ZNF225: variants seen among roughly 807,000 people sequenced by gnomAD.
ZNF225 encodes the protein zinc finger protein 225.
ZNF225 carries 6 observed loss-of-function variants against 12.0 expected under a neutral mutation model. The observed-to-expected ratio is 0.50, with a 90% CI of 0.27 to 0.98. The LOEUF (loss-of-function observed/expected upper bound fraction) is 0.98. Among genes scored for constraint, ZNF225 ranks in the 50% least tolerant of loss-of-function variants. The probability of loss-of-function intolerance (pLI) is 0.11; values close to 1 mark genes in which losing one functional copy is unlikely to be tolerated. For synonymous variants in ZNF225, 271 were observed against 283.2 expected, an observed-to-expected ratio of 0.96 and a Z score of 0.43; for missense variants, 763 against 848.2, an observed-to-expected ratio of 0.90 and a Z score of 1.25.
At chr19:44,129,032 T>C in intron 4 of ZNF225, 2 of 1,230,936 alleles carry the variant, frequency 1.6e-6, no homozygotes, top group Non-Finnish European at 2.0e-6. Flanking sequence ...CCTTTGTGTA[T>C]TTCTGTCAGG....
At chr19:44,114,915 AT>A (rs1967909895) in intron 1 of ZNF225, among the ~76,000 whole-genome samples, 1 of 152,006 alleles carries the variant, frequency 6.6e-6, no homozygotes, top group African/African-American at 2.4e-5. Flanking sequence ...TGTTTGTCAG[AT>A]TTCCGCATTG....
chr19:44,118,205 GGAC>G lies in ZNF225; in HGVS notation c.35_37del (p.Asp12del), dbSNP rs1351132013. 4 of 1,612,536 alleles carry G rather than the reference GGAC, an allele frequency of 2.5e-6. No homozygotes were observed. In the Admixed American group the frequency reaches 6.7e-5, roughly 27 times the overall value. On this transcript the variant is annotated inframe_deletion, in exon 3 of 5. Coordinates refer to ENST00000262894, the MANE Select transcript of ZNF225 (RefSeq NM_013362.4). ...TGCTGTAGGAGGCAGTGACCTTCAAGGACGTGGCTGTGGTCTTCACTGAGGAAG... is the reference window on the plus strand; with the variant it reads ...TGCTGTAGGAGGCAGTGACCTTCAAGGTGGCTGTGGTCTTCACTGAGGAAG...
Position 44,132,539 on chromosome 19 carries a change from A to G in ZNF225, c.1925A>G (p.His642Arg), listed in dbSNP as rs1367501420. 1 of 1,614,166 alleles carries G rather than the reference A, an allele frequency of 6.2e-7. No individual in the cohort carries two copies. Reference sequence around the variant, plus strand: ...AGATGGGCCTCAACTCATCTAACCCATCAGAGACTCCACAGTAGAGAAAAA... The same window carrying G: ...AGATGGGCCTCAACTCATCTAACCCGTCAGAGACTCCACAGTAGAGAAAAA... ...SFRWASTHLT[H>R]QRLHSREKLL... The change falls in exon 5 of 5, where the codon CAT (histidine) becomes CGT (arginine). Residue 642 changes from histidine (H) to arginine (R), a missense_variant. By Grantham distance (29) the His-to-Arg change is conservative. Coordinates refer to ENST00000262894, the MANE Select transcript of ZNF225 (RefSeq NM_013362.4).
intron 2 of ZNF225, 65 bp downstream of exon 2, chr19:44,115,907 G>A: frequency 6.4e-7 from 1 of 1,564,368 alleles, no homozygotes; most frequent in East Asian, 2.3e-5. Flanking sequence ...TGTCGCCAAG[G>A]CTGGAGTGCA....
In ZNF225 at chr19:44,132,412, G is replaced by C; in HGVS notation, c.1798G>C (p.Glu600Gln). The change falls in exon 5 of 5, where the codon GAG (glutamate) becomes CAG (glutamine). Residue 600 changes from glutamate to glutamine, a missense_variant. By Grantham distance (29) the Glu-to-Gln change is conservative (BLOSUM62 2). Coordinates refer to ENST00000262894, the MANE Select transcript of ZNF225 (RefSeq NM_013362.4). ...TGATGAAAAGCCATTCAAATGTGAA[G>C]AGTGTGGGAAGAGATTTACTGAGAA... Reference protein sequence around the residue: ...HGDEKPFKCEECGKRFTENSQ... With the variant: ...HGDEKPFKCEQCGKRFTENSQ... The C allele has an allele frequency of 2.5e-6, 4 of 1,614,216 alleles. No individual in the cohort carries two copies. Among genetic ancestry groups the C allele is most frequent in the Middle Eastern group, 3.3e-4 (2 of 6,062 alleles).
At chr19:44,130,534 T>C (rs982455933) in intron 4 of ZNF225, 13 of 227,948 alleles carry the variant, frequency 5.7e-5, no homozygotes, top group East Asian at 1.1e-4. Context: ...CCATCTGTAC[T>C]AAGAATACAA....
chr19:44,122,611 G>T (rs2147561832), intron 4 of ZNF225, among the ~76,000 whole-genome samples: 1 of 152,258 alleles, frequency 6.6e-6, no homozygotes, highest in East Asian at 1.9e-4. Context: ...TCACAATATT[G>T]ATTGCACCCA....
intron 4 of ZNF225, among the ~76,000 whole-genome samples, chr19:44,126,848 C>T (rs1187016984): frequency 6.6e-6 from 1 of 152,202 alleles, no homozygotes. Context: ...AGGCCTCACC[C>T]AGCTCCCATG....
intron 4 of ZNF225, among the ~76,000 whole-genome samples, chr19:44,125,911 C>G (rs1968138219): frequency 6.6e-6 from 1 of 152,014 alleles, no homozygotes; most frequent in South Asian, 2.1e-4. Flanking sequence ...TTTAAGCTAT[C>G]TATTTCCTTG....
At position 44,131,933 on chromosome 19, in the gene ZNF225, G is replaced by T. The variant is rs1480992976; in HGVS notation, c.1319G>T (p.Arg440Met). Residue 440 changes from arginine to methionine, a missense_variant, in exon 5 of 5, where the codon AGG (arginine) becomes ATG (methionine). Physicochemically the swap from Arg to Met is moderately conservative, Grantham distance 91. Transcript: ENST00000262894. ...CEECGKGYKRRLDLDFHQRVH... is the reference protein window; with the variant it reads ...CEECGKGYKRMLDLDFHQRVH... ...GAGTGTGGGAAGGGCTACAAAAGGAGGTTGGATCTTGACTTTCATCAGAGG... is the reference window on the plus strand; with the variant it reads ...GAGTGTGGGAAGGGCTACAAAAGGATGTTGGATCTTGACTTTCATCAGAGG... The T allele has an allele frequency of 7.5e-6, 12 of 1,609,350 alleles. No homozygotes were observed. Among genetic ancestry groups the T allele is most frequent in the Non-Finnish European group, 8.5e-6 (10 of 1,178,386 alleles).
At chr19:44,123,235 A>G (rs1968086849) in intron 4 of ZNF225, among the ~76,000 whole-genome samples, 1 of 152,110 alleles carries the variant, frequency 6.6e-6, no homozygotes, top group Non-Finnish European at 1.5e-5. Flanking sequence ...CTTTTTCTAC[A>G]TCTATTGAGA....
rs577726060 is a variant in ZNF225, at chr19:44,121,277, A to T, written c.235+2703A>T. Among the ~76,000 whole-genome samples, 12 of 152,330 alleles carry T rather than the reference A, an allele frequency of 7.9e-5. No individual in the cohort carries two copies. The East Asian group carries it at 2.3e-3, about 29-fold the overall frequency. On this transcript the variant is annotated intron_variant, in intron 4 of 4. Coordinates refer to ENST00000262894, the MANE Select transcript of ZNF225 (RefSeq NM_013362.4). Reference sequence around the variant, plus strand: ...TTTCCATTCCTGAGTTACTTCACTTAGAATAATAGTCTCCAGTCTCATCCA... The same window carrying T: ...TTTCCATTCCTGAGTTACTTCACTTTGAATAATAGTCTCCAGTCTCATCCA...
chr19:44,119,051 C>A (rs552745563), intron 4 of ZNF225, among the ~76,000 whole-genome samples: 1 of 152,140 alleles, frequency 6.6e-6, no homozygotes, highest in South Asian at 2.1e-4. Flanking sequence ...CTCCTGACCT[C>A]GTGATCCGCC....
intron 4 of ZNF225, among the ~76,000 whole-genome samples, chr19:44,124,757 A>G (rs1297244469): frequency 1.3e-5 from 2 of 152,246 alleles, no homozygotes; most frequent in East Asian, 1.9e-4. Context: ...GGCCTTTTAC[A>G]TTATATAATG....
chr19:44,118,627 C>T (rs1599673957), intron 4 of ZNF225, 53 bp downstream of exon 4: 2 of 1,546,558 alleles, frequency 1.3e-6, no homozygotes, highest in East Asian at 4.6e-5. Flanking sequence ...ATCGGTTTCA[C>T]TTCTGTCCAT....
intron 4 of ZNF225, chr19:44,128,825 GCTCA>G: frequency 2.6e-6 from 1 of 387,652 alleles, no homozygotes; most frequent in Non-Finnish European, 4.6e-6. Context: ...TTATTTTACA[GCTCA>G]CTAAGAGTCT....
In ZNF225 at chr19:44,115,835, C is replaced by T. The variant is rs147567923; in HGVS notation, c.8C>T (p.Thr3Met). Residue 3 changes from threonine to methionine, a missense_variant, in exon 2 of 5, where the codon ACG (threonine) becomes ATG (methionine). Thr to Met is a moderately conservative substitution (Grantham distance 81, BLOSUM62 -1). Transcript: ENST00000262894. ...CCTGAAATAGGAGGAAAAATGACCA[C>T]GTTGAAGGTGAGTAGAGCTTGCCTC... MT[T>M]LKEAVTFKDV... 227 of 1,612,926 alleles carry T rather than the reference C, an allele frequency of 1.4e-4. 2 individuals are homozygous for T. The East Asian group carries it at 3.7e-3, about 26-fold the overall frequency.
In ZNF225 at chr19:44,131,265, A is replaced by C. The variant is rs748192638; in HGVS notation, c.651A>C (p.Ser217=). ...DVCGKEFNQS[S]HLQIHQRIHT... ...GTGGTAAGGAATTCAATCAGAGCTCACATCTGCAAATTCATCAGAGAATCC... is the reference window on the plus strand; with the variant it reads ...GTGGTAAGGAATTCAATCAGAGCTCCCATCTGCAAATTCATCAGAGAATCC... Residue 217 remains serine (S), a synonymous_variant, in exon 5 of 5, where the codon TCA becomes TCC. Coordinates refer to ENST00000262894, the MANE Select transcript of ZNF225 (RefSeq NM_013362.4). 6.2e-7 allele frequency: 1 copy of C among 1,614,252 alleles called. No individual in the cohort carries two copies. The highest frequency in any genetic ancestry group is 8.5e-7 in the Non-Finnish European group (1 of 1,180,052).
chr19:44,126,322 C>T (rs751693822), intron 4 of ZNF225, among the ~76,000 whole-genome samples: 6 of 152,182 alleles, frequency 3.9e-5, no homozygotes, highest in Non-Finnish European at 7.3e-5. Flanking sequence ...CTGGGTTTAG[C>T]TACCCAGCAA....
Sources: allele counts gnomAD v4.1 joint callset (sites outside exome capture counted in the v4.1 genomes callset), GRCh38; gene constraint gnomAD v4.1.1; transcripts MANE v1.5; gene names NCBI Gene and HGNC (gene_info 2026-07-23, HGNC 2026-07-21).